LIMCH1: variants seen among roughly 807,000 people sequenced by gnomAD.
LIMCH1 encodes the protein LIM and calponin homology domains 1, also known as LIM and calponin homology domains-containing protein 1.
In LIMCH1, 113 loss-of-function variants were observed where a neutral mutation model predicts 176.5. The observed-to-expected ratio is 0.64, with a 90% CI of 0.55 to 0.75. LIMCH1 has a LOEUF of 0.75. LIMCH1 is among the 30% of genes least tolerant of loss of function. The pLI is 0.00. For missense variants in LIMCH1, 1,674 were observed against 1,814.9 expected (o/e 0.92, Z 1.41); for synonymous variants, 619 against 645.9 (o/e 0.96, Z 0.63).
intron 1 of LIMCH1, among the ~76,000 whole-genome samples, chr4:41,480,542 G>A (rs1244114436): frequency 1.3e-5 from 2 of 152,174 alleles, no homozygotes; most frequent in African/African-American, 4.8e-5. Context: ...GGGAGGCGGA[G>A]GTTGCAGTGA....
intron 2 of LIMCH1, among the ~76,000 whole-genome samples, chr4:41,522,827 T>C (rs993225312): frequency 6.6e-6 from 1 of 152,182 alleles, no homozygotes; most frequent in Non-Finnish European, 1.5e-5. Context: ...ATAAATTGCC[T>C]TCCAACTGGT....
At chr4:41,672,135 C>T (rs1357575087) in intron 22 of LIMCH1, among the ~76,000 whole-genome samples, 1 of 151,954 alleles carries the variant, frequency 6.6e-6, no homozygotes, top group African/African-American at 2.4e-5. Flanking sequence ...TTTGGGAGAC[C>T]GAGGTAGGTG....
At chr4:41,687,947 C>T (rs1475211228) in intron 29 of LIMCH1, 30 bp downstream of exon 29, 2 of 1,574,570 alleles carry the variant, frequency 1.3e-6, no homozygotes, top group South Asian at 2.2e-5. Flanking sequence ...CTTTCTGAGG[C>T]TGCTTTGTTA....
At chr4:41,367,904 CAGA>C (rs1329925566) in intron 1 of LIMCH1, among the ~76,000 whole-genome samples, 1 of 146,226 alleles carries the variant, frequency 6.8e-6, no homozygotes, top group Non-Finnish European at 1.5e-5. Context: ...AGGTCAAGAA[CAGA>C]AGGACTTGTA....
intron 2 of LIMCH1, among the ~76,000 whole-genome samples, chr4:41,501,496 A>G (rs1445664617): frequency 6.6e-6 from 1 of 152,216 alleles, no homozygotes; most frequent in Non-Finnish European, 1.5e-5. Context: ...CCTTGTAGAG[A>G]TAAGTCATCT....
At chr4:41,412,481 A>G (rs988300242) in intron 1 of LIMCH1, among the ~76,000 whole-genome samples, 1 of 152,184 alleles carries the variant, frequency 6.6e-6, no homozygotes. Flanking sequence ...TTATAGTCAT[A>G]GGGGGAAATA....
At chr4:41,689,940 T>G (rs1413322002) in intron 30 of LIMCH1, among the ~76,000 whole-genome samples, 2 of 152,206 alleles carry the variant, frequency 1.3e-5, no homozygotes, top group Non-Finnish European at 2.9e-5. Flanking sequence ...CTTCCAAATC[T>G]TTTAGGGCCA....
chr4:41,617,460 G>A (rs2152812640), intron 5 of LIMCH1, among the ~76,000 whole-genome samples: 1 of 152,230 alleles, frequency 6.6e-6, no homozygotes, highest in Admixed American at 6.5e-5. Flanking sequence ...GTTTAGCAAG[G>A]TAGGGTAATG....
intron 1 of LIMCH1, among the ~76,000 whole-genome samples, chr4:41,369,014 T>A (rs2053548329): frequency 6.6e-6 from 1 of 152,170 alleles, no homozygotes; most frequent in Admixed American, 6.5e-5. Context: ...AGACTTAGGG[T>A]GGTGACCCAC....
At chr4:41,492,248 A>G (rs2071206513) in intron 1 of LIMCH1, among the ~76,000 whole-genome samples, 1 of 152,166 alleles carries the variant, frequency 6.6e-6, no homozygotes, top group Non-Finnish European at 1.5e-5. Context: ...CAAAAATACA[A>G]AAACCAGTCA....
chr4:41,589,367 C>T lies in LIMCH1; in HGVS notation c.-240-9553C>T, dbSNP rs577322475. 1.4e-4 allele frequency among the ~76,000 whole-genome samples: 22 copies of T among 151,920 alleles called. No homozygotes were observed. In the South Asian group the frequency reaches 1.5e-3, roughly 10 times the overall value. ...CAGTGAGCAGGTGCCTGGCTGAAGC[C>T]GCATCGGGGGTGGTGGGTGGGGGAG... On this transcript the variant is annotated intron_variant, in intron 1 of 31. Transcript: ENST00000503057.
chr4:41,585,309 C>A (rs2086246272), intron 1 of LIMCH1, among the ~76,000 whole-genome samples: 1 of 152,172 alleles, frequency 6.6e-6, no homozygotes, highest in Non-Finnish European at 1.5e-5. Flanking sequence ...AATATCTGTT[C>A]TTTTGTGTCT....
rs369602701 is a variant in LIMCH1 at position 41,423,699 on chromosome 4, T to TA, written c.96+62764dup. Among the ~76,000 whole-genome samples, 676 of 152,296 alleles carry TA rather than the reference T, an allele frequency of 4.4e-3. 2 individuals are homozygous for TA. The highest frequency in any genetic ancestry group is 0.015 in the African/African-American group (642 of 41,564). On this transcript the variant is annotated intron_variant, in intron 1 of 26. Transcript: ENST00000313860. Reference sequence around the variant, plus strand: ...GCAGATACATTCTATATGTTCAAAATACATCAAAATATTCTGGTGTCTGTG... The same window carrying TA: ...GCAGATACATTCTATATGTTCAAAATAACATCAAAATATTCTGGTGTCTGTG...
At chr4:41,452,906 T>C (rs1404532970) in intron 1 of LIMCH1, among the ~76,000 whole-genome samples, 2 of 152,236 alleles carry the variant, frequency 1.3e-5, no homozygotes, top group Non-Finnish European at 2.9e-5. Context: ...GTGGAGAAGA[T>C]CTTCCTCATC....
intron 1 of LIMCH1, among the ~76,000 whole-genome samples, chr4:41,375,343 C>T (rs1346190071): frequency 6.6e-6 from 1 of 152,036 alleles, no homozygotes; most frequent in African/African-American, 2.4e-5. Flanking sequence ...AGTGCCCAAC[C>T]CATACCTAAT....
intron 1 of LIMCH1, among the ~76,000 whole-genome samples, chr4:41,442,448 G>T (rs2062805536): frequency 6.6e-6 from 1 of 152,224 alleles, no homozygotes; most frequent in African/African-American, 2.4e-5. Context: ...TACATGCTTT[G>T]CATATTCCCA....
chr4:41,376,845 T>C (rs950949415), intron 1 of LIMCH1, among the ~76,000 whole-genome samples: 2 of 152,204 alleles, frequency 1.3e-5, no homozygotes, highest in Admixed American at 1.3e-4. Context: ...GGGTTTCCTT[T>C]TGGGGTGATG....
At position 41,633,083 on chromosome 4, in the gene LIMCH1, A is replaced by T; in HGVS notation, c.1827A>T (p.Pro609=). 1 of 1,531,782 alleles carries T rather than the reference A, an allele frequency of 6.5e-7. No homozygotes were observed. The highest frequency in any genetic ancestry group is 8.7e-7 in the Non-Finnish European group (1 of 1,143,782). The allele number at this position is 1,531,782 out of a possible 1,614,324, so 94.9% of individuals were successfully genotyped here. A position where few individuals can be genotyped will look rare whatever the true frequency, so the allele number is the denominator to read the frequency against. ...KAERSEDSSQ[P]LVCPLASECE... is the part of the protein sequence containing the mutation. ...AAAGATCAGAGGACAGCAGCCAGCCACTGTGAGCATCTTGCCTGCGCTCTG... is the reference window on the plus strand; with the variant it reads ...AAAGATCAGAGGACAGCAGCCAGCCTCTGTGAGCATCTTGCCTGCGCTCTG... Residue 609 remains proline (P), a splice_region_variant and synonymous_variant, in exon 12 of 32, where the codon CCA becomes CCT. Transcript: ENST00000503057.
At chr4:41,423,285 G>T (rs976243797) in intron 1 of LIMCH1, among the ~76,000 whole-genome samples, 2 of 152,148 alleles carry the variant, frequency 1.3e-5, no homozygotes, top group African/African-American at 4.8e-5. Flanking sequence ...AAGCCTTTTG[G>T]CTTTGACTAC....
Sources: allele counts gnomAD v4.1 joint callset (sites outside exome capture counted in the v4.1 genomes callset), GRCh38; gene constraint gnomAD v4.1.1; transcripts MANE v1.5; gene names NCBI Gene and HGNC (gene_info 2026-07-23, HGNC 2026-07-21).